MIPOL1: variants seen among roughly 807,000 people sequenced by gnomAD.
The protein encoded by MIPOL1 is mirror-image polydactyly gene 1 protein.
MIPOL1 carries 57 observed loss-of-function variants against 60.9 expected under a neutral mutation model. That is an observed-to-expected ratio of 0.94 (90% CI 0.76 to 1.17). The LOEUF (loss-of-function observed/expected upper bound fraction) is 1.17. Ranked by LOEUF, MIPOL1 falls within the 50% of genes most tolerant of loss-of-function variation. The probability of loss-of-function intolerance (pLI) is 0.00; values close to 1 mark genes in which losing one functional copy is unlikely to be tolerated. For missense variants in MIPOL1, 551 were observed against 511.6 expected, an observed-to-expected ratio of 1.08 and a Z score of -0.74; for synonymous variants, 179 against 168.8, an observed-to-expected ratio of 1.06 and a Z score of -0.47.
intron 11 of MIPOL1, among the ~76,000 whole-genome samples, chr14:37,432,844 T>G (rs1476300924): frequency 6.6e-6 from 1 of 152,186 alleles, no homozygotes; most frequent in Non-Finnish European, 1.5e-5. Context: ...CAAAATGAGA[T>G]CTAGGAGATC....
chr14:37,312,100 A>G (rs1049326153), intron 9 of MIPOL1, among the ~76,000 whole-genome samples: 6 of 151,998 alleles, frequency 3.9e-5, no homozygotes, highest in African/African-American at 1.4e-4. Context: ...CCTTAATTTA[A>G]TTTAATTAAC....
intron 9 of MIPOL1, among the ~76,000 whole-genome samples, chr14:37,351,951 T>A (rs1035881139): frequency 2.0e-5 from 3 of 148,846 alleles, no homozygotes; most frequent in African/African-American, 7.4e-5. Flanking sequence ...GCCATTGCTT[T>A]TGGTGTTTTA....
chr14:37,277,453 C>G (rs2083756456), intron 6 of MIPOL1: 2 of 151,102 alleles, frequency 1.3e-5, no homozygotes, highest in African/African-American at 2.4e-5. Flanking sequence ...AAAGGTAGCT[C>G]CAATATCACA....
chr14:37,386,839 G>T (rs2093082066), intron 10 of MIPOL1, among the ~76,000 whole-genome samples: 1 of 151,898 alleles, frequency 6.6e-6, no homozygotes, highest in Non-Finnish European at 1.5e-5. Context: ...AATATAAATA[G>T]TATTTTAACA....
At chr14:37,505,291 CACA>C (rs1451945509) in intron 12 of MIPOL1, 2 of 152,244 alleles carry the variant, frequency 1.3e-5, no homozygotes, top group Admixed American at 6.5e-5. Flanking sequence ...CTGTCAGAGA[CACA>C]ACAACAAAAA....
At chr14:37,442,087 GTTGTGT>G (rs1414255922) in intron 11 of MIPOL1, among the ~76,000 whole-genome samples, 7 of 109,096 alleles carry the variant, frequency 6.4e-5, no homozygotes, top group Non-Finnish European at 1.1e-4. Flanking sequence ...TTTCTACTTT[GTTGTGT>G]GTGTGTGTGT....
rs2092764107 is a variant in MIPOL1, at chr14:37,375,915, CTTTG to C, written c.936+6296_936+6299del. ...TCACCATATCTCCATTTTTTTTCCT[CTTTG>C]TTTGCTCTTCCTTACTTAGTCTTAA... is the stretch of plus-strand genomic sequence containing the variant. On this transcript the variant is annotated intron_variant, in intron 10 of 12. Coordinates refer to ENST00000684589, the MANE Select transcript of MIPOL1 (RefSeq NM_001388067.1). Among the ~76,000 whole-genome samples, 3 of 151,890 alleles carry C rather than the reference CTTTG, an allele frequency of 2.0e-5. No homozygotes were observed. In the South Asian group the frequency reaches 6.2e-4, roughly 32 times the overall value.
intron 10 of MIPOL1, among the ~76,000 whole-genome samples, chr14:37,377,118 A>C (rs541767892): frequency 6.6e-6 from 1 of 152,176 alleles, no homozygotes; most frequent in Admixed American, 6.6e-5. Flanking sequence ...CTACCCGGGA[A>C]GGAGTCAGGA....
intron 3 of MIPOL1, among the ~76,000 whole-genome samples, chr14:37,256,207 T>G (rs1356921915): frequency 6.6e-6 from 1 of 151,854 alleles, no homozygotes; most frequent in Non-Finnish European, 1.5e-5. Flanking sequence ...AAATTCAAAA[T>G]TTTCAGATTA....
intron 10 of MIPOL1, among the ~76,000 whole-genome samples, chr14:37,395,593 G>A (rs545518513): frequency 1.3e-5 from 2 of 152,092 alleles, no homozygotes; most frequent in African/African-American, 2.4e-5. Context: ...CTACTGATTT[G>A]TGTACATTAA....
intron 11 of MIPOL1, among the ~76,000 whole-genome samples, chr14:37,435,576 A>C (rs944738876): frequency 6.6e-6 from 1 of 151,986 alleles, no homozygotes; most frequent in African/African-American, 2.4e-5. Flanking sequence ...TCTGATGCTC[A>C]ATAAGTGTTT....
chr14:37,485,154 C>G (rs2094928324), intron 11 of MIPOL1, among the ~76,000 whole-genome samples: 1 of 152,136 alleles, frequency 6.6e-6, no homozygotes, highest in African/African-American at 2.4e-5. Context: ...TCATCCACGT[C>G]CCTGCAAAGG....
chr14:37,233,179 C>T lies in MIPOL1; in HGVS notation c.-198-13924C>T, dbSNP rs144510101. 6.1e-3 allele frequency among the ~76,000 whole-genome samples: 926 copies of T among 152,186 alleles called. 7 individuals are homozygous for T. The highest frequency in any genetic ancestry group is 0.019 in the African/African-American group (802 of 41,530). ...GCTTGATTCAGTAATTCAATACTCC[C>T]TAAAATTTCCAGTCATTCTTTGATT... On this transcript the variant is annotated intron_variant, in intron 1 of 12. Coordinates refer to ENST00000684589, the MANE Select transcript of MIPOL1 (RefSeq NM_001388067.1).
chr14:37,311,308 G>A (rs1157712730), intron 9 of MIPOL1, among the ~76,000 whole-genome samples: 1 of 152,060 alleles, frequency 6.6e-6, no homozygotes, highest in Non-Finnish European at 1.5e-5. Context: ...ACTAAAATAA[G>A]CACATAGAGC....
intron 11 of MIPOL1, among the ~76,000 whole-genome samples, chr14:37,472,344 A>C (rs2094700200): frequency 1.3e-5 from 2 of 152,224 alleles, no homozygotes; most frequent in South Asian, 4.1e-4. Context: ...AATTTTTGCA[A>C]AAGTAAAATT....
At position 37,373,050 on chromosome 14, in the gene MIPOL1, C is replaced by G. The variant is rs942043635; in HGVS notation, c.936+3426C>G. 3.3e-5 allele frequency among the ~76,000 whole-genome samples: 5 copies of G among 152,152 alleles called. No homozygotes were observed. In the East Asian group the frequency reaches 9.7e-4, roughly 29 times the overall value. Reference sequence around the variant, plus strand: ...AAACAGTCTCACTCAGTCGCCCTGGCTGGAGTGCAGTGGCTCGATCTCAGC... The same window carrying G: ...AAACAGTCTCACTCAGTCGCCCTGGGTGGAGTGCAGTGGCTCGATCTCAGC... On this transcript the variant is annotated intron_variant, in intron 10 of 12. Coordinates refer to ENST00000684589, the MANE Select transcript of MIPOL1 (RefSeq NM_001388067.1).
chr14:37,477,034 G>A (rs1042374494), intron 11 of MIPOL1, among the ~76,000 whole-genome samples: 4 of 151,420 alleles, frequency 2.6e-5, no homozygotes, highest in African/African-American at 7.3e-5. Flanking sequence ...CTGGGTAGCC[G>A]AGATTACAGG....
intron 9 of MIPOL1, among the ~76,000 whole-genome samples, chr14:37,315,333 A>G (rs1396243514): frequency 6.6e-6 from 1 of 152,214 alleles, no homozygotes; most frequent in Non-Finnish European, 1.5e-5. Context: ...TGAGCAAGGA[A>G]GATACTTATA....
chr14:37,221,875 T>C (rs1177706948), intron 1 of MIPOL1, among the ~76,000 whole-genome samples: 1 of 152,104 alleles, frequency 6.6e-6, no homozygotes, highest in Non-Finnish European at 1.5e-5. Flanking sequence ...GGCATTTTGC[T>C]CCTCATTCCA....
Sources: gnomAD v4.1 joint callset for allele counts (sites outside exome capture counted in the v4.1 genomes callset) on GRCh38, gnomAD v4.1.1 for gene constraint, MANE v1.5 for transcripts, NCBI Gene and HGNC (gene_info 2026-07-23, HGNC 2026-07-21) for gene names.